RYR3: variants seen among roughly 807,000 people sequenced by gnomAD.
RYR3 encodes ryanodine receptor 3.
Under a neutral mutation model 584.3 loss-of-function variants are expected in RYR3, and 207 were observed. The observed-to-expected ratio is 0.35, with a 90% CI of 0.32 to 0.40. RYR3 has a LOEUF of 0.40. RYR3 is among the 10% of genes least tolerant of loss of function. RYR3 has a pLI of 1.00. For synonymous variants in RYR3, 2,416 were observed against 2,248.5 expected (o/e 1.07, Z -2.11); for missense variants, 5,616 against 6,089.2 (o/e 0.92, Z 2.59).
chr15:33,669,820 T>C (rs1040507533), intron 37 of RYR3, among the ~76,000 whole-genome samples: 1 of 132,990 alleles, frequency 7.5e-6, no homozygotes, highest in Non-Finnish European at 1.6e-5. Context: ...CTTTGCTTTT[T>C]AGCTATTAGG....
At chr15:33,692,131 T>C (rs1001833117) in intron 38 of RYR3, among the ~76,000 whole-genome samples, 1 of 152,228 alleles carries the variant, frequency 6.6e-6, no homozygotes, top group Non-Finnish European at 1.5e-5. Context: ...TCATCAGATA[T>C]ACAGGTATAT....
At chr15:33,579,691 T>C (rs1247732061) in intron 12 of RYR3, among the ~76,000 whole-genome samples, 3 of 152,194 alleles carry the variant, frequency 2.0e-5, no homozygotes, top group Admixed American at 1.3e-4. Context: ...GCTGAAATAT[T>C]ACAGTAATAT....
intron 92 of RYR3, 54 bp from the exon 93 acceptor site, chr15:33,844,808 C>T: frequency 6.8e-7 from 1 of 1,475,354 alleles, no homozygotes; most frequent in Non-Finnish European, 9.3e-7. Flanking sequence ...GGGGAGAGCC[C>T]AATGGCTGAG....
At position 33,854,400 on chromosome 15, in the gene RYR3, T is replaced by C. The variant is rs377310965; in HGVS notation, c.13811T>C (p.Ile4604Thr). ...AASLVSWLSSIDMKYHIWKLG... is the reference protein window; with the variant it reads ...AASLVSWLSSTDMKYHIWKLG... ...TTGTTCTTCTCTAGGCTAAGTTCCA[T>C]AGACATGAAGTACCATATCTGGAAG... Residue 4604 changes from isoleucine to threonine, a missense_variant, in exon 97 of 104, where the codon ATA becomes ACA. Ile to Thr is a moderately conservative substitution (Grantham distance 89, BLOSUM62 -1). Coordinates refer to ENST00000634891, the MANE Select transcript of RYR3 (RefSeq NM_001036.6). 149 of 1,574,552 alleles carry C rather than the reference T, an allele frequency of 9.5e-5. No homozygotes were observed. The highest frequency in any genetic ancestry group is 1.2e-4 in the Non-Finnish European group (137 of 1,158,052).
At chr15:33,528,388 T>A (rs75831225) in intron 3 of RYR3, among the ~76,000 whole-genome samples, 1,646 of 152,304 alleles carry the variant, frequency 0.011, 17 homozygotes, top group South Asian at 0.046. Context: ...TGCCCACATG[T>A]GCTCCTCTCT....
chr15:33,692,619 C>CTTTT (rs3085218), intron 38 of RYR3, among the ~76,000 whole-genome samples: 1 of 140,322 alleles, frequency 7.1e-6, no homozygotes, highest in Non-Finnish European at 1.5e-5. Flanking sequence ...CTGGGGACTA[C>CTTTT]TTTTTTTTTT....
chr15:33,834,882 T>G, intron 86 of RYR3, 86 bp from the exon 87 acceptor site: 1 of 895,790 alleles, frequency 1.1e-6, no homozygotes. Context: ...TCTGCTCATA[T>G]AAGTAGGTAT....
Position 33,628,461 on chromosome 15 carries a change from T to C in RYR3, c.2575-10T>C, listed in dbSNP as rs35706688. 0.34 allele frequency: 540,894 copies of C among 1,576,680 alleles called. 100,158 individuals are homozygous for C. The highest frequency in any genetic ancestry group is 0.38 in the Non-Finnish European group (437,919 of 1,146,044). ...CAATCGATTCTTTTCACTTGCTCCT[T>C]TTCCTTTAGGTTATTTTGCCACCTC... On this transcript the variant is annotated splice_polypyrimidine_tract_variant and intron_variant, in intron 20 of 103. Coordinates refer to ENST00000634891, the MANE Select transcript of RYR3 (RefSeq NM_001036.6).
chr15:33,810,753 A>G, intron 71 of RYR3, 104 bp downstream of exon 71: 1 of 1,421,060 alleles, frequency 7.0e-7, no homozygotes, highest in East Asian at 2.4e-5. Flanking sequence ...GGCGGGGAGC[A>G]GATGCGCAGA....
At chr15:33,741,807 GGT>G (rs2070159457) in intron 51 of RYR3, among the ~76,000 whole-genome samples, 1 of 151,976 alleles carries the variant, frequency 6.6e-6, no homozygotes, top group Admixed American at 6.6e-5. Flanking sequence ...GTAGAGACGG[GGT>G]TTCACCGTGT....
chr15:33,468,269 A>C (rs917512964), intron 1 of RYR3, among the ~76,000 whole-genome samples: 1 of 152,208 alleles, frequency 6.6e-6, no homozygotes, highest in Non-Finnish European at 1.5e-5. Flanking sequence ...TGGCCATTAA[A>C]TATTCACTGT....
intron 98 of RYR3, among the ~76,000 whole-genome samples, chr15:33,855,202 ATCT>A (rs1432593316): frequency 2.7e-5 from 4 of 148,992 alleles, no homozygotes; most frequent in Non-Finnish European, 4.5e-5. Context: ...GACCTTGGAG[ATCT>A]TTTTTTTTTT....
chr15:33,381,161 T>C (rs1299803749), intron 1 of RYR3, among the ~76,000 whole-genome samples: 1 of 152,170 alleles, frequency 6.6e-6, no homozygotes, highest in East Asian at 1.9e-4. Context: ...GTTCCTCAGT[T>C]TGCTATCATC....
At chr15:33,618,901 C>T (rs1476032971) in intron 19 of RYR3, among the ~76,000 whole-genome samples, 1 of 152,018 alleles carries the variant, frequency 6.6e-6, no homozygotes, top group Non-Finnish European at 1.5e-5. Context: ...GTAGGTAGAC[C>T]CATCTCTCCT....
At chr15:33,856,812 C>G (rs186299194) in intron 98 of RYR3, 1 of 152,286 alleles carries the variant, frequency 6.6e-6, no homozygotes, top group Non-Finnish European at 1.5e-5. Context: ...GCACACACCA[C>G]CACGCCAAGC....
In RYR3 at chr15:33,662,883, G is replaced by A; in HGVS notation, c.5353G>A (p.Ala1785Thr). Reference sequence around the variant, plus strand: ...GAAGGCTGTGGAGGCTGGGGAGAAGGCCGGCAAGGAGGCTCCTGTCAAAGG... The same window carrying A: ...GAAGGCTGTGGAGGCTGGGGAGAAGACCGGCAAGGAGGCTCCTGTCAAAGG... ...EEKAVEAGEK[A>T]GKEAPVKGLL... The change falls in exon 35 of 104, where the codon GCC (alanine) becomes ACC (threonine). Residue 1785 changes from alanine to threonine, a missense_variant. Physicochemically the swap from Ala to Thr is moderately conservative, Grantham distance 58. Transcript: ENST00000634891. 1 of 1,613,634 alleles carries A rather than the reference G, an allele frequency of 6.2e-7. No homozygotes were observed. The highest frequency in any genetic ancestry group is 8.5e-7 in the Non-Finnish European group (1 of 1,179,890).
chr15:33,559,303 T>A (rs907092059), intron 10 of RYR3, among the ~76,000 whole-genome samples: 6 of 152,178 alleles, frequency 3.9e-5, no homozygotes, highest in Non-Finnish European at 5.9e-5. Context: ...ATGGATGAGA[T>A]GTTGTGCAAT....
At chr15:33,336,481 AGAG>A (rs1971060392) in intron 1 of RYR3, among the ~76,000 whole-genome samples, 3 of 30,840 alleles carry the variant, frequency 9.7e-5, no homozygotes, top group Admixed American at 3.1e-4. Context: ...AGAGAGAGAG[AGAG>A]AGAAAGAAAG....
In RYR3 at chr15:33,780,326, C is replaced by T. The variant is rs1158702362; in HGVS notation, c.9253C>T (p.Pro3085Ser). 4 of 1,613,808 alleles carry T rather than the reference C, an allele frequency of 2.5e-6. No homozygotes were observed. In the East Asian group the frequency reaches 8.9e-5, roughly 36 times the overall value. Residue 3085 changes from proline (P) to serine (S), a missense_variant, in exon 65 of 104, where the codon CCC becomes TCC. Physicochemically the swap from Pro to Ser is moderately conservative, Grantham distance 74 (BLOSUM62 -1). This residue lies in a region of RYR3 where 954 missense variants were observed against 1,132.2 expected (regional missense o/e 0.84). Coordinates refer to ENST00000634891, the MANE Select transcript of RYR3 (RefSeq NM_001036.6). The stretch of plus-strand genomic sequence containing the variant: ...ACTCTCGGTCTTCAACACCAAAACC[C>T]CCAGGGAGAGGTCTAGTAAGTATCT... ...NPLSVFNTKT[P>S]RERSILGMPD... is the part of the protein sequence containing the mutation.
Sources: allele counts gnomAD v4.1 joint callset (sites outside exome capture counted in the v4.1 genomes callset), GRCh38; gene constraint gnomAD v4.1.1; regional missense constraint gnomAD v4.1.1; transcripts MANE v1.5; gene names NCBI Gene and HGNC (gene_info 2026-07-23, HGNC 2026-07-21).